DIAPH3: variants seen among roughly 807,000 people sequenced by gnomAD.
DIAPH3 encodes protein diaphanous homolog 3.
Under a neutral mutation model 144.3 loss-of-function variants are expected in DIAPH3, and 117 were observed. The ratio of observed to expected loss-of-function variants is 0.81; its 90% CI spans 0.70 to 0.95. The LOEUF (loss-of-function observed/expected upper bound fraction) is 0.95. Ranked by LOEUF, DIAPH3 falls within the 40% of genes least tolerant of loss-of-function variation. DIAPH3 has a pLI of 0.00. For missense variants in DIAPH3, 1,421 were observed against 1,412.7 expected (o/e 1.01, Z -0.09); for synonymous variants, 519 against 488.9 (o/e 1.06, Z -0.81).
intron 20 of DIAPH3, among the ~76,000 whole-genome samples, chr13:59,886,940 A>T (rs1403642064): frequency 1.3e-5 from 2 of 151,996 alleles, no homozygotes; most frequent in African/African-American, 4.8e-5. Flanking sequence ...TGCTGAAAGG[A>T]AGTAATGCAA....
chr13:59,973,185 A>G (rs2050486019), intron 15 of DIAPH3, among the ~76,000 whole-genome samples: 1 of 152,206 alleles, frequency 6.6e-6, no homozygotes, highest in Non-Finnish European at 1.5e-5. Context: ...AGCACTATGC[A>G]GCAATAACTT....
At chr13:59,999,434 A>T (rs1320303116) in intron 9 of DIAPH3, among the ~76,000 whole-genome samples, 1 of 152,116 alleles carries the variant, frequency 6.6e-6, no homozygotes, top group African/African-American at 2.4e-5. Flanking sequence ...CAGATTGAAG[A>T]GTTTTTTTTT....
intron 1 of DIAPH3, among the ~76,000 whole-genome samples, chr13:60,140,521 G>GA (rs936817214): frequency 1.3e-5 from 2 of 151,892 alleles, no homozygotes; most frequent in Non-Finnish European, 2.9e-5. Context: ...AATGGTACAT[G>GA]AAAAAAAGTG....
chr13:59,681,260 C>G (rs1367304303), intron 27 of DIAPH3, among the ~76,000 whole-genome samples: 1 of 152,078 alleles, frequency 6.6e-6, no homozygotes, highest in African/African-American at 2.4e-5. Flanking sequence ...TGCTTGAGAC[C>G]AGGACTTTAA....
At chr13:60,154,453 G>A (rs1282867338) in intron 1 of DIAPH3, among the ~76,000 whole-genome samples, 1 of 152,076 alleles carries the variant, frequency 6.6e-6, no homozygotes, top group Non-Finnish European at 1.5e-5. Context: ...TACTCATAAC[G>A]CTTCTTCTAC....
chr13:59,920,051 C>G (rs1050903884), intron 18 of DIAPH3, among the ~76,000 whole-genome samples: 5 of 151,626 alleles, frequency 3.3e-5, no homozygotes, highest in Admixed American at 3.3e-4. Context: ...ACTAAATGTA[C>G]TACAAATTAA....
intron 27 of DIAPH3, among the ~76,000 whole-genome samples, chr13:59,712,074 A>T (rs1489067191): frequency 1.3e-5 from 2 of 152,244 alleles, no homozygotes; most frequent in Middle Eastern, 3.2e-3. Flanking sequence ...AGGACCAGAG[A>T]GAAGACAATA....
chr13:59,745,668 G>C (rs953056494), intron 27 of DIAPH3, among the ~76,000 whole-genome samples: 3 of 152,162 alleles, frequency 2.0e-5, no homozygotes, highest in Admixed American at 6.6e-5. Context: ...CTGAAACAAT[G>C]TATTATACTA....
At chr13:59,717,413 G>A (rs528563239) in intron 27 of DIAPH3, among the ~76,000 whole-genome samples, 1 of 152,180 alleles carries the variant, frequency 6.6e-6, no homozygotes, top group East Asian at 1.9e-4. Context: ...ATCCATGGTG[G>A]CAGGAACTTC....
intron 27 of DIAPH3, among the ~76,000 whole-genome samples, chr13:59,757,286 T>C (rs1444783353): frequency 5.9e-5 from 9 of 151,494 alleles, no homozygotes; most frequent in South Asian, 2.1e-4. Context: ...ATTGTTCATA[T>C]CTGTTGCATT....
chr13:59,954,697 G>T, intron 17 of DIAPH3, among the ~76,000 whole-genome samples: 1 of 152,184 alleles, frequency 6.6e-6, no homozygotes, highest in Non-Finnish European at 1.5e-5. Context: ...GCTGTAGAGA[G>T]GGCATGACTG....
At chr13:59,721,829 A>G (rs2035359629) in intron 27 of DIAPH3, among the ~76,000 whole-genome samples, 1 of 152,158 alleles carries the variant, frequency 6.6e-6, no homozygotes, top group Non-Finnish European at 1.5e-5. Flanking sequence ...AAGGAATTCC[A>G]GTCCCACTGG....
At chr13:60,136,989 G>T (rs890965574) in intron 1 of DIAPH3, among the ~76,000 whole-genome samples, 28 of 152,052 alleles carry the variant, frequency 1.8e-4, no homozygotes, top group African/African-American at 6.8e-4. Context: ...CAAGACTACT[G>T]GTTATTGGTT....
intron 9 of DIAPH3, among the ~76,000 whole-genome samples, chr13:60,003,089 T>G (rs1391641333): frequency 2.0e-5 from 3 of 152,158 alleles, no homozygotes; most frequent in Non-Finnish European, 4.4e-5. Flanking sequence ...ATGGAGGGTT[T>G]GGTTCTCCTG....
At chr13:60,029,266 AC>A (rs1349599970) in intron 5 of DIAPH3, among the ~76,000 whole-genome samples, 1 of 151,766 alleles carries the variant, frequency 6.6e-6, no homozygotes, top group African/African-American at 2.4e-5. Flanking sequence ...TGCAACATTC[AC>A]CCACCCCTTG....
At chr13:59,824,857 G>C (rs552141736) in intron 24 of DIAPH3, among the ~76,000 whole-genome samples, 83 of 152,182 alleles carry the variant, frequency 5.5e-4, no homozygotes, top group African/African-American at 1.8e-3. Context: ...CTATGAGTAA[G>C]AAAGAAGTGT....
At chr13:60,121,510 A>G (rs1489137383) in intron 2 of DIAPH3, among the ~76,000 whole-genome samples, 1 of 152,214 alleles carries the variant, frequency 6.6e-6, no homozygotes. Context: ...ACAAGGAGGA[A>G]CCAACAGGTT....
intron 17 of DIAPH3, among the ~76,000 whole-genome samples, chr13:59,953,148 GT>G (rs2049189294): frequency 6.6e-6 from 1 of 152,090 alleles, no homozygotes; most frequent in Non-Finnish European, 1.5e-5. Flanking sequence ...CGACATTTGA[GT>G]TAAGACTTGA....
intron 15 of DIAPH3, among the ~76,000 whole-genome samples, chr13:59,971,727 C>T (rs543403099): frequency 4.6e-5 from 7 of 152,278 alleles, no homozygotes; most frequent in African/African-American, 1.7e-4. Context: ...CTTCGTAGGA[C>T]CTATATAAGT....
Sources: allele counts gnomAD v4.1 joint callset (sites outside exome capture counted in the v4.1 genomes callset), GRCh38; gene constraint gnomAD v4.1.1; transcripts MANE v1.5; gene names NCBI Gene and HGNC (gene_info 2026-07-23, HGNC 2026-07-21).